Variants in DMD observed in about 807,000 individuals in gnomAD.
The protein encoded by DMD is mutant dystrophin.
In DMD, 63 loss-of-function variants were observed where a neutral mutation model predicts 330.1. The ratio of observed to expected loss-of-function variants is 0.19; its 90% CI spans 0.16 to 0.24. DMD has a LOEUF of 0.24. DMD is among the 10% of genes least tolerant of loss of function. DMD has a pLI of 1.00. For synonymous variants in DMD, 1,223 were observed against 959.8 expected (o/e 1.27, Z -5.07); for missense variants, 3,344 against 2,684.1 (o/e 1.25, Z -5.43).
At chrX:32,627,552 G>T (rs957059337) in intron 11 of DMD, among the ~76,000 whole-genome samples, 1 of 110,478 alleles carries the variant, frequency 9.1e-6, no homozygotes, top group Non-Finnish European at 1.9e-5. Flanking sequence ...TTACAGGTGG[G>T]GAAACAAAGG....
rs199808421 is a variant in DMD at position 32,468,614 on chromosome X, G to A, written c.3046C>T (p.Arg1016Trp). Residue 1016 changes from arginine to tryptophan, a missense_variant, in exon 23 of 79, where the codon CGG becomes TGG. By Grantham distance (101) the Arg-to-Trp change is moderately radical (BLOSUM62 -3). Transcript: ENST00000357033. Reference sequence around the variant, plus strand: ...TCTTCAAATTCTGATTGATATTTCCGGCTAATTTCAGAGGGCGCTTTCTTC... The same window carrying A: ...TCTTCAAATTCTGATTGATATTTCCAGCTAATTTCAGAGGGCGCTTTCTTC... Reference protein sequence around the residue: ...MSKKAPSEISRKYQSEFEEIE... With the variant: ...MSKKAPSEISWKYQSEFEEIE... The A allele has an allele frequency of 8.3e-6, 10 of 1,208,928 alleles. No individual in the cohort carries two copies. In the African/African-American group the frequency reaches 8.8e-5, roughly 11 times the overall value.
intron 7 of DMD, among the ~76,000 whole-genome samples, chrX:32,759,493 C>A (rs181687600): frequency 7.2e-4 from 80 of 111,148 alleles, no homozygotes; most frequent in Non-Finnish European, 1.3e-3. Flanking sequence ...CAGCAATATG[C>A]GGCACACCTG....
chrX:32,054,150 A>G (rs1384911342), intron 44 of DMD, among the ~76,000 whole-genome samples: 1 of 105,173 alleles, frequency 9.5e-6, no homozygotes, highest in Non-Finnish European at 2.0e-5. Flanking sequence ...GGACTGAGGA[A>G]CCAAAAAGAA....
chrX:32,149,141 CT>C (rs1193512437), intron 44 of DMD, among the ~76,000 whole-genome samples: 2 of 111,695 alleles, frequency 1.8e-5, no homozygotes, highest in Non-Finnish European at 3.8e-5. Context: ...TTAAATTGAT[CT>C]GCTGAGTCCA....
rs182023695 is a variant in DMD, at chrX:31,723,610, C to T, written c.7660+6021G>A. 3.2e-5 allele frequency among the ~76,000 whole-genome samples: 3 copies of T among 93,672 alleles called. No individual in the cohort carries two copies. In the East Asian group the frequency reaches 1.0e-3, roughly 32 times the overall value. The allele number at this position is 93,672 out of a possible 115,157, so 81.3% of individuals were successfully genotyped here. A position where few individuals can be genotyped will look rare whatever the true frequency, so the allele number is the denominator to read the frequency against. On this transcript the variant is annotated intron_variant, in intron 52 of 78. Coordinates refer to ENST00000357033, the MANE Select transcript of DMD (RefSeq NM_004006.3). ...CTGGTCTTACTGACTTCATTTACTCCCTTATCCTCCACAACACACACACAC... is the reference window on the plus strand; with the variant it reads ...CTGGTCTTACTGACTTCATTTACTCTCTTATCCTCCACAACACACACACAC...
At chrX:32,946,791 G>C (rs1174481124) in intron 2 of DMD, among the ~76,000 whole-genome samples, 1 of 111,122 alleles carries the variant, frequency 9.0e-6, no homozygotes, top group African/African-American at 3.3e-5. Flanking sequence ...AAGTTCAATG[G>C]CTTGCAACCT....
chrX:32,683,871 AG>A (rs1269335882), intron 9 of DMD, among the ~76,000 whole-genome samples: 3 of 110,395 alleles, frequency 2.7e-5, no homozygotes, highest in Non-Finnish European at 3.8e-5. Context: ...CAATATTTCA[AG>A]GGCCACTGAG....
intron 50 of DMD, among the ~76,000 whole-genome samples, chrX:31,812,811 A>C (rs2092503482): frequency 9.0e-6 from 1 of 111,644 alleles, no homozygotes; most frequent in South Asian, 3.7e-4. Flanking sequence ...AAATTATTTA[A>C]CCTTTCTGAC....
At chrX:31,130,876 A>C (rs1231390184) in intron 77 of DMD, among the ~76,000 whole-genome samples, 3 of 112,209 alleles carry the variant, frequency 2.7e-5, no homozygotes, top group Admixed American at 9.5e-5. Context: ...CTATCTATAT[A>C]CTTTATGTTT....
intron 21 of DMD, among the ~76,000 whole-genome samples, chrX:32,482,776 G>A (rs961762483): frequency 5.4e-5 from 6 of 111,055 alleles, no homozygotes; most frequent in African/African-American, 2.0e-4. Flanking sequence ...AGAGTAAAAA[G>A]TGCTTTGAAA....
chrX:31,308,742 C>G (rs922917824), intron 62 of DMD, among the ~76,000 whole-genome samples: 1 of 107,717 alleles, frequency 9.3e-6, no homozygotes, highest in Non-Finnish European at 1.9e-5. Flanking sequence ...TTTTTTTTTT[C>G]TTTGGAGATG....
chrX:32,239,117 G>C (rs2097198721), intron 43 of DMD, among the ~76,000 whole-genome samples: 2 of 111,544 alleles, frequency 1.8e-5, no homozygotes, highest in Admixed American at 1.9e-4. Flanking sequence ...CTCTTCACAA[G>C]AGGCCAGTAG....
At chrX:32,529,519 G>A (rs1476120614) in intron 17 of DMD, among the ~76,000 whole-genome samples, 3 of 101,037 alleles carry the variant, frequency 3.0e-5, no homozygotes, top group African/African-American at 7.4e-5. Context: ...TCAGCCTCCC[G>A]AGTACCTAGG....
intron 7 of DMD, among the ~76,000 whole-genome samples, chrX:32,780,806 C>G (rs1462350026): frequency 9.1e-6 from 1 of 110,126 alleles, no homozygotes; most frequent in Non-Finnish European, 1.9e-5. Context: ...GCCGTGTCTT[C>G]AAGAAACATT....
intron 23 of DMD, among the ~76,000 whole-genome samples, chrX:32,465,038 T>C (rs1023828557): frequency 8.9e-6 from 1 of 112,226 alleles, no homozygotes; most frequent in Non-Finnish European, 1.9e-5. Context: ...GTCCTTACAG[T>C]ACATAAAACA....
intron 62 of DMD, among the ~76,000 whole-genome samples, chrX:31,285,017 C>A (rs1381864470): frequency 9.0e-6 from 1 of 110,826 alleles, no homozygotes; most frequent in African/African-American, 3.3e-5. Flanking sequence ...ATTCAGTCTG[C>A]CAATGTACGT....
chrX:33,042,517 A>G (rs12853184), intron 1 of DMD, among the ~76,000 whole-genome samples: 8,241 of 111,807 alleles, frequency 0.074, 333 homozygotes, highest in Non-Finnish European at 0.12. Context: ...CGAATGGGAT[A>G]AAATGTTCAG....
chrX:31,332,909 T>C (rs1443359765), intron 61 of DMD, among the ~76,000 whole-genome samples: 2 of 112,155 alleles, frequency 1.8e-5, no homozygotes, highest in African/African-American at 6.5e-5. Context: ...TTACTGCCAA[T>C]GTGAGGAATC....
At chrX:31,831,597 GTATT>G (rs1213756815) in intron 49 of DMD, among the ~76,000 whole-genome samples, 1 of 110,828 alleles carries the variant, frequency 9.0e-6, no homozygotes, top group East Asian at 2.8e-4. Context: ...AAGCAAACTT[GTATT>G]TATTTATTTA....
Sources: allele counts gnomAD v4.1 joint callset (sites outside exome capture counted in the v4.1 genomes callset), GRCh38; gene constraint gnomAD v4.1.1; transcripts MANE v1.5; gene names NCBI Gene and HGNC (gene_info 2026-07-23, HGNC 2026-07-21).